Variants in MCHR2 observed in about 807,000 individuals in gnomAD.
MCHR2 encodes melanin-concentrating hormone receptor 2.
A neutral mutation model predicts 24.8 loss-of-function variants in MCHR2; 15 were observed. The ratio of observed to expected loss-of-function variants is 0.60; its 90% CI spans 0.40 to 0.93. The LOEUF is 0.93. MCHR2 is among the 40% of genes least tolerant of loss of function. The pLI is 0.00. For missense variants in MCHR2, 386 were observed against 408.7 expected, an observed-to-expected ratio of 0.94 and a Z score of 0.48; for synonymous variants, 151 against 147.6, an observed-to-expected ratio of 1.02 and a Z score of -0.17.
intron 5 of MCHR2, among the ~76,000 whole-genome samples, chr6:99,928,971 AT>A (rs1335971343): frequency 6.6e-6 from 1 of 152,014 alleles, no homozygotes; most frequent in East Asian, 1.9e-4. Context: ...TCTTGTGGGC[AT>A]TTAGTGCTAT....
chr6:99,927,901 CCCTGTCTTGTG>C (rs1173459841), intron 5 of MCHR2, among the ~76,000 whole-genome samples: 23 of 152,262 alleles, frequency 1.5e-4, no homozygotes, highest in South Asian at 4.2e-4. Flanking sequence ...GAGAGGGCAT[CCCTGTCTTGTG>C]CCAGTTTTCA....
At chr6:99,946,957 C>T (rs1336553954) in intron 3 of MCHR2, among the ~76,000 whole-genome samples, 1 of 152,074 alleles carries the variant, frequency 6.6e-6, no homozygotes, top group East Asian at 1.9e-4. Context: ...AGCTTGCATG[C>T]TTCCTAGACA....
intron 1 of MCHR2, among the ~76,000 whole-genome samples, chr6:99,959,145 C>T (rs906061860): frequency 9.9e-5 from 15 of 152,042 alleles, no homozygotes; most frequent in Non-Finnish European, 1.6e-4. Flanking sequence ...ACCTCATGTA[C>T]TCTGGATGCC....
chr6:99,930,727 G>A (rs971025709), intron 5 of MCHR2, among the ~76,000 whole-genome samples: 4 of 152,082 alleles, frequency 2.6e-5, no homozygotes, highest in African/African-American at 9.7e-5. Flanking sequence ...GGTTATTCTA[G>A]TTATGCATTC....
At chr6:99,970,635 C>T (rs1287040102) in intron 1 of MCHR2, among the ~76,000 whole-genome samples, 1 of 152,046 alleles carries the variant, frequency 6.6e-6, no homozygotes, top group Non-Finnish European at 1.5e-5. Flanking sequence ...AAGTCCTTGC[C>T]CATGCCTATG....
Position 99,919,911 on chromosome 6 carries a change from G to A in MCHR2, c.*1029C>T, listed in dbSNP as rs1467024403. ...CTCGGCTAATCTTTTTTTATTTTTA[G>A]TAGACAGGGTCTCACTATGTTGGCC... is the stretch of plus-strand genomic sequence containing the variant. On this transcript the variant is annotated 3_prime_UTR_variant, in exon 6 of 6. Coordinates refer to ENST00000281806, the MANE Select transcript of MCHR2 (RefSeq NM_001040179.2). 6.6e-6 allele frequency: 1 copy of A among 151,802 alleles called. No homozygotes were observed. Among genetic ancestry groups the A allele is most frequent in the Non-Finnish European group, 1.5e-5 (1 of 67,996 alleles). The allele number at this position is 151,802 out of a possible 1,614,324, so 9.4% of individuals were successfully genotyped here. A position where few individuals can be genotyped will look rare whatever the true frequency, so the allele number is the denominator to read the frequency against.
At chr6:99,935,777 G>A (rs890728021) in intron 4 of MCHR2, among the ~76,000 whole-genome samples, 8 of 151,540 alleles carry the variant, frequency 5.3e-5, no homozygotes, top group Admixed American at 2.6e-4. Context: ...TTTTCGAGGA[G>A]CCTTTATAGT....
chr6:99,926,470 A>G (rs1235769392), intron 5 of MCHR2, among the ~76,000 whole-genome samples: 1 of 133,414 alleles, frequency 7.5e-6, no homozygotes, highest in Non-Finnish European at 1.7e-5. Context: ...AAGTGTTCCT[A>G]TTTCTCCACA....
At chr6:99,948,420 G>A (rs982785308) in intron 2 of MCHR2, among the ~76,000 whole-genome samples, 4 of 152,102 alleles carry the variant, frequency 2.6e-5, no homozygotes, top group Non-Finnish European at 5.9e-5. Context: ...AGGTCCATGT[G>A]GAGAGGAATT....
At chr6:99,952,590 CTGTT>C (rs1379047794) in intron 2 of MCHR2, among the ~76,000 whole-genome samples, 1 of 152,052 alleles carries the variant, frequency 6.6e-6, no homozygotes, top group Non-Finnish European at 1.5e-5. Context: ...ATTCACCTGT[CTGTT>C]CATAAAGTAA....
intron 5 of MCHR2, among the ~76,000 whole-genome samples, chr6:99,925,321 A>T (rs1774327731): frequency 6.6e-6 from 1 of 151,712 alleles, no homozygotes; most frequent in South Asian, 2.1e-4. Flanking sequence ...AAGGCAATAG[A>T]TCAACAGGTC....
At chr6:99,928,096 G>T (rs1299919282) in intron 5 of MCHR2, among the ~76,000 whole-genome samples, 1 of 152,088 alleles carries the variant, frequency 6.6e-6, no homozygotes, top group Non-Finnish European at 1.5e-5. Context: ...TGAGATAATC[G>T]TGTGGTTTTT....
chr6:99,970,536 C>G (rs1775387622), intron 1 of MCHR2, among the ~76,000 whole-genome samples: 1 of 152,046 alleles, frequency 6.6e-6, no homozygotes, highest in Non-Finnish European at 1.5e-5. Flanking sequence ...ATGGTCGTTT[C>G]TTTTGCTGTG....
intron 1 of MCHR2, among the ~76,000 whole-genome samples, chr6:99,984,302 C>T (rs909402042): frequency 1.3e-5 from 2 of 150,376 alleles, no homozygotes; most frequent in Non-Finnish European, 3.0e-5. Context: ...GGTACATGTG[C>T]ACAATGTGCA....
intron 1 of MCHR2, among the ~76,000 whole-genome samples, chr6:99,958,517 C>G (rs921724090): frequency 1.3e-5 from 2 of 151,378 alleles, no homozygotes; most frequent in Non-Finnish European, 1.5e-5. Context: ...TAATAAAAAC[C>G]AGAAAAATTT....
chr6:99,926,023 C>T (rs1774348839), intron 5 of MCHR2, among the ~76,000 whole-genome samples: 1 of 151,880 alleles, frequency 6.6e-6, no homozygotes, highest in Non-Finnish European at 1.5e-5. Flanking sequence ...TGTGATGTTC[C>T]CCTTCCTGTG....
At chr6:99,983,539 C>G (rs1775714959) in intron 1 of MCHR2, among the ~76,000 whole-genome samples, 1 of 152,194 alleles carries the variant, frequency 6.6e-6, no homozygotes, top group Non-Finnish European at 1.5e-5. Flanking sequence ...TCGTCACACT[C>G]AAGCTTTTGA....
At chr6:99,990,163 G>T (rs1170148668) in intron 1 of MCHR2, among the ~76,000 whole-genome samples, 1 of 152,180 alleles carries the variant, frequency 6.6e-6, no homozygotes, top group Non-Finnish European at 1.5e-5. Flanking sequence ...TTTAGAACAA[G>T]GTGGGACCCA....
At position 99,959,229 on chromosome 6, in the gene MCHR2, A is replaced by G. The variant is rs187140823; in HGVS notation, c.-27-3055T>C. On this transcript the variant is annotated intron_variant, in intron 1 of 5. Coordinates refer to ENST00000281806, the MANE Select transcript of MCHR2 (RefSeq NM_001040179.2). ...GGAGAACCTGTGGTACAAAAGATAG[A>G]TACCAATGGAAAAAGAAATTATGCG... Among the ~76,000 whole-genome samples, 25 of 152,242 alleles carry G rather than the reference A, an allele frequency of 1.6e-4. No individual in the cohort carries two copies. The East Asian group carries it at 4.8e-3, about 30-fold the overall frequency.
Sources: gnomAD v4.1 joint callset for allele counts (sites outside exome capture counted in the v4.1 genomes callset) on GRCh38, gnomAD v4.1.1 for gene constraint, MANE v1.5 for transcripts, NCBI Gene and HGNC (gene_info 2026-07-23, HGNC 2026-07-21) for gene names.